The following INTS6 variants were observed in gnomAD, a reference collection of about 807,000 sequenced individuals.
The protein encoded by INTS6 is integrator complex subunit 6, also known as DEAD box protein.
A neutral mutation model predicts 104.9 loss-of-function variants in INTS6; 16 were observed. The ratio of observed to expected loss-of-function variants is 0.15; its 90% CI spans 0.10 to 0.23. The LOEUF (loss-of-function observed/expected upper bound fraction) is 0.23, where lower values mean the gene tolerates loss of function less well. INTS6 is among the 10% of genes least tolerant of loss of function. The pLI, the probability that INTS6 is intolerant of heterozygous loss-of-function variation, is 1.00. For missense variants in INTS6, 584 were observed against 1,062.8 expected (o/e 0.55, Z 6.26); for synonymous variants, 324 against 358.7 (o/e 0.90, Z 1.09).
intron 3 of INTS6, chr13:51,439,139 T>C (rs545509855): frequency 6.6e-6 from 1 of 152,288 alleles, no homozygotes; most frequent in East Asian, 1.9e-4. Context: ...CATCACCTAA[T>C]AGTATACAAT....
At chr13:51,400,174 C>T (rs933794285) in intron 4 of INTS6, among the ~76,000 whole-genome samples, 6 of 152,218 alleles carry the variant, frequency 3.9e-5, no homozygotes, top group African/African-American at 1.2e-4. Context: ...CATTCCAAAA[C>T]CATACCCACC....
intron 4 of INTS6, among the ~76,000 whole-genome samples, 154 bp from the exon 5 acceptor site, chr13:51,395,637 A>C (rs1956321785): frequency 6.6e-6 from 1 of 152,248 alleles, no homozygotes; most frequent in Non-Finnish European, 1.5e-5. Context: ...GACATAGCTA[A>C]AACAGCACAT....
intron 13 of INTS6, among the ~76,000 whole-genome samples, chr13:51,375,734 G>A (rs62932863): frequency 6.8e-6 from 1 of 147,560 alleles, no homozygotes; most frequent in Non-Finnish European, 1.5e-5. Context: ...TTGATAAGTG[G>A]GTGTGTGTGT....
intron 4 of INTS6, among the ~76,000 whole-genome samples, chr13:51,406,241 G>C: frequency 6.6e-6 from 1 of 151,996 alleles, no homozygotes; most frequent in East Asian, 1.9e-4. Flanking sequence ...AATAAAAACT[G>C]TATTTTGAGC....
chr13:51,452,865 A>T lies in INTS6; in HGVS notation c.-340T>A. On this transcript the variant is annotated 5_prime_UTR_variant, in exon 1 of 18. Coordinates refer to ENST00000311234, the MANE Select transcript of INTS6 (RefSeq NM_012141.3). This position sits in a 1 kb window ranked among gnomAD's most constrained non-coding sequence, Gnocchi z 4.2. ...GCCCCTGTGTGTGTCCCAGCGGGAG[A>T]CGGGCCTGGCTCCCCACCCCACCCC... 1 of 1,135,830 alleles carries T rather than the reference A, an allele frequency of 8.8e-7. No individual in the cohort carries two copies. Among genetic ancestry groups the T allele is most frequent in the Admixed American group, 5.0e-5 (1 of 20,126 alleles). The allele number at this position is 1,135,830 out of a possible 1,614,324, so 70.4% of individuals were successfully genotyped here.
chr13:51,452,818 G>T lies in INTS6; in HGVS notation c.-293C>A. ...TCTGTCGGTTCGTCCCCCCCGCCTC[G>T]GGGGTCCCGTCCCCGCTCCCGGCCC... On this transcript the variant is annotated 5_prime_UTR_variant, in exon 1 of 18. Coordinates refer to ENST00000311234, the MANE Select transcript of INTS6 (RefSeq NM_012141.3). This position sits in a 1 kb window ranked among gnomAD's most constrained non-coding sequence, Gnocchi z 4.2. 1 of 1,174,182 alleles carries T rather than the reference G, an allele frequency of 8.5e-7. No homozygotes were observed. Among genetic ancestry groups the T allele is most frequent in the Non-Finnish European group, 1.1e-6 (1 of 943,330 alleles). The allele number at this position is 1,174,182 out of a possible 1,614,324, so 72.7% of individuals were successfully genotyped here. A position where few individuals can be genotyped will look rare whatever the true frequency, so the allele number is the denominator to read the frequency against.
In INTS6 at chr13:51,387,313, C is replaced by A. The variant is rs925154985; in HGVS notation, c.894+73G>T. On this transcript the variant is annotated intron_variant, in intron 7 of 17. Coordinates refer to ENST00000311234, the MANE Select transcript of INTS6 (RefSeq NM_012141.3). ...CCCCATAAATTAATCACAGCTTTGA[C>A]AACAGAATTTGAAACTAATAGGAAA... 5.5e-5 allele frequency: 74 copies of A among 1,353,870 alleles called. No individual in the cohort carries two copies. In the African/African-American group the frequency reaches 1.1e-3, roughly 19 times the overall value. 83.9% of individuals were successfully genotyped at this position (1,353,870 alleles called of 1,614,324 possible).
At chr13:51,412,746 A>T (rs1956710514) in intron 4 of INTS6, among the ~76,000 whole-genome samples, 2 of 152,216 alleles carry the variant, frequency 1.3e-5, no homozygotes, top group Admixed American at 1.3e-4. Flanking sequence ...TTCACAACAT[A>T]CCAGTATATC....
chr13:51,440,068 GA>G (rs929195486), intron 3 of INTS6: 1 of 152,030 alleles, frequency 6.6e-6, no homozygotes, highest in Admixed American at 6.6e-5. Flanking sequence ...CTAAGACGGT[GA>G]AACCCCGTCT....
chr13:51,423,297 T>C (rs531625438), intron 4 of INTS6, among the ~76,000 whole-genome samples: 13 of 152,136 alleles, frequency 8.5e-5, no homozygotes, highest in African/African-American at 2.4e-4. Flanking sequence ...ACCAATTCTT[T>C]ATAAACTGCT....
intron 4 of INTS6, among the ~76,000 whole-genome samples, chr13:51,408,687 A>T (rs1159997051): frequency 6.6e-6 from 1 of 152,186 alleles, no homozygotes; most frequent in Non-Finnish European, 1.5e-5. Context: ...TAACTCAAAG[A>T]AGTAGGAAAA....
chr13:51,441,403 T>C (rs1173634591), intron 3 of INTS6: 1 of 152,214 alleles, frequency 6.6e-6, no homozygotes, highest in African/African-American at 2.4e-5. Context: ...TTTCATTCTA[T>C]TTGTCTAATG....
At chr13:51,403,459 G>A (rs957730256) in intron 4 of INTS6, among the ~76,000 whole-genome samples, 7 of 151,940 alleles carry the variant, frequency 4.6e-5, no homozygotes, top group African/African-American at 1.4e-4. Flanking sequence ...GCACGTGCCC[G>A]TAGTCCCAGC....
intron 4 of INTS6, among the ~76,000 whole-genome samples, chr13:51,405,668 C>T (rs780455113): frequency 4.5e-4 from 69 of 152,196 alleles, no homozygotes; most frequent in Non-Finnish European, 3.1e-4. Context: ...ATTTCCACTT[C>T]CATGGAAGCT....
chr13:51,409,376 T>G (rs1052777836), intron 4 of INTS6, among the ~76,000 whole-genome samples: 13 of 150,850 alleles, frequency 8.6e-5, no homozygotes, highest in Admixed American at 5.9e-4. Flanking sequence ...TAGGAGAATA[T>G]TTATATTCTT....
At chr13:51,401,951 C>A (rs1188851351) in intron 4 of INTS6, among the ~76,000 whole-genome samples, 2 of 152,046 alleles carry the variant, frequency 1.3e-5, no homozygotes, top group Non-Finnish European at 2.9e-5. Flanking sequence ...AAAATAACTA[C>A]TTTTAGAAAA....
intron 3 of INTS6, among the ~76,000 whole-genome samples, chr13:51,434,809 C>A (rs1957157960): frequency 6.6e-6 from 1 of 151,944 alleles, no homozygotes; most frequent in Admixed American, 6.6e-5. Flanking sequence ...GTTTACCCAG[C>A]AAATTAAAAA....
intron 4 of INTS6, among the ~76,000 whole-genome samples, chr13:51,411,781 A>G (rs901908911): frequency 4.5e-4 from 69 of 152,148 alleles, no homozygotes; most frequent in Non-Finnish European, 1.8e-4. Context: ...AAAGCTAGAT[A>G]TATACTTATC....
At chr13:51,384,095 T>G (rs1010206025) in intron 7 of INTS6, 1 of 165,006 alleles carries the variant, frequency 6.1e-6, no homozygotes, top group African/African-American at 2.4e-5. Flanking sequence ...GAGTAGCGAC[T>G]TCCAAAGTAA....
Sources: allele counts gnomAD v4.1 joint callset (sites outside exome capture counted in the v4.1 genomes callset), GRCh38; gene constraint gnomAD v4.1.1; non-coding constraint Gnocchi (gnomAD v3.1); transcripts MANE v1.5; gene names NCBI Gene and HGNC (gene_info 2026-07-23, HGNC 2026-07-21).